The following XRCC3 variants were observed in gnomAD, a reference collection of about 807,000 sequenced individuals.
The protein encoded by XRCC3 is X-ray repair cross complementing 3, also known as DNA repair protein XRCC3.
Under a neutral mutation model 29.2 loss-of-function variants are expected in XRCC3, and 34 were observed. That is an observed-to-expected ratio of 1.16 (90% CI 0.88 to 1.55). The LOEUF (loss-of-function observed/expected upper bound fraction) is 1.55, where lower values mean the gene tolerates loss of function less well. XRCC3 is among the 40% of genes most tolerant of loss of function. The pLI is 0.00. For missense variants in XRCC3, 463 were observed against 467.6 expected (o/e 0.99, Z 0.09); for synonymous variants, 223 against 211.3 (o/e 1.06, Z -0.48).
chr14:103,707,738 C>T lies in XRCC3; in HGVS notation c.194-523G>A, dbSNP rs780359946. On this transcript the variant is annotated intron_variant, in intron 5 of 9. Coordinates refer to ENST00000555055, the MANE Select transcript of XRCC3 (RefSeq NM_005432.4). Reference sequence around the variant, plus strand: ...CCTTGGATGAGCCATTTGACACAGCCTCCTCCACGACACCGAAGCCCCTCA... The same window carrying T: ...CCTTGGATGAGCCATTTGACACAGCTTCCTCCACGACACCGAAGCCCCTCA... 60 of 207,432 alleles carry T rather than the reference C, an allele frequency of 2.9e-4. 1 individual carries two copies. The highest frequency in any genetic ancestry group is 2.0e-3 in the Middle Eastern group (1 of 496). The allele number at this position is 207,432 out of a possible 1,614,324, so 12.8% of individuals were successfully genotyped here.
At chr14:103,706,912 G>A in intron 6 of XRCC3, 91 bp downstream of exon 6, 1 of 1,374,436 alleles carries the variant, frequency 7.3e-7, no homozygotes, top group Non-Finnish European at 1.0e-6. Context: ...AGCGCAAGAG[G>A]CGGCCACTGC....
At position 103,708,638 on chromosome 14, in the gene XRCC3, T is replaced by A. The variant is rs1043719343; in HGVS notation, c.77A>T (p.Glu26Val). 7 of 1,614,012 alleles carry A rather than the reference T, an allele frequency of 4.3e-6. No individual in the cohort carries two copies. The East Asian group carries it at 8.9e-5, about 21-fold the overall frequency. Residue 26 changes from glutamate (E) to valine (V), a missense_variant, in exon 5 of 10, where the codon GAG becomes GTG. Coordinates refer to ENST00000555055, the MANE Select transcript of XRCC3 (RefSeq NM_005432.4). ...IKKAKLKSVK[E>V]VLHFSGPDLK... ...GTCTGGTCCAGAAAAGTGTAAAACC[T>A]CCTTTACCGATTTCAGTTTGGCTGA...
rs918023041 is a variant in XRCC3, at chr14:103,711,143, G to C, written c.-56C>G. On this transcript the variant is annotated 5_prime_UTR_variant, in exon 4 of 10. Coordinates refer to ENST00000555055, the MANE Select transcript of XRCC3 (RefSeq NM_005432.4). Reference sequence around the variant, plus strand: ...AACTTCCCAGGAAAGACAGAACAATGGATGCAAATTCTGAGGCACTCGCCT... The same window carrying C: ...AACTTCCCAGGAAAGACAGAACAATCGATGCAAATTCTGAGGCACTCGCCT... 2 of 1,596,292 alleles carry C rather than the reference G, an allele frequency of 1.3e-6. No individual in the cohort carries two copies. The highest frequency in any genetic ancestry group is 2.2e-5 in the East Asian group (1 of 44,792).
At chr14:103,712,719 G>A (rs543829726) in intron 2 of XRCC3, 156 bp downstream of exon 2, 1 of 152,610 alleles carries the variant, frequency 6.6e-6, no homozygotes, top group South Asian at 2.1e-4. Context: ...TCCCAGGCTG[G>A]GTCTGGATAC....
At position 103,697,824 on chromosome 14, in the gene XRCC3, G is replaced by A. The variant is rs1231783391; in HGVS notation, c.*974C>T. On this transcript the variant is annotated 3_prime_UTR_variant, in exon 10 of 10. Transcript: ENST00000555055. Reference sequence around the variant, plus strand: ...CCCAGGAGGCTCTGCTTTCCAGCCAGATGTAAGGCCTGGCCACAGTGTGGG... The same window carrying A: ...CCCAGGAGGCTCTGCTTTCCAGCCAAATGTAAGGCCTGGCCACAGTGTGGG... The A allele has an allele frequency of 6.6e-6, 1 of 152,362 alleles. No individual in the cohort carries two copies. Among genetic ancestry groups the A allele is most frequent in the Non-Finnish European group, 1.5e-5 (1 of 68,140 alleles). 9.4% of individuals were successfully genotyped at this position (152,362 alleles called of 1,614,324 possible).
At chr14:103,710,736 C>A in intron 4 of XRCC3, 1 of 359,502 alleles carries the variant, frequency 2.8e-6, no homozygotes, top group South Asian at 2.6e-5. Flanking sequence ...AGCGAGACCC[C>A]GTCTCCAAAA....
chr14:103,710,956 C>A, intron 4 of XRCC3, 77 bp downstream of exon 4: 1 of 1,483,970 alleles, frequency 6.7e-7, no homozygotes, highest in Non-Finnish European at 9.4e-7. Context: ...GCTTAGCCAG[C>A]CAGCGTTTTG....
At chr14:103,703,038 C>T in intron 7 of XRCC3, 135 bp downstream of exon 7, 1 of 1,368,750 alleles carries the variant, frequency 7.3e-7, no homozygotes, top group Non-Finnish European at 1.0e-6. Flanking sequence ...ACCCCCATGA[C>T]CCATGCTGTG....
intron 6 of XRCC3, 46 bp downstream of exon 6, chr14:103,706,957 G>C: frequency 6.5e-7 from 1 of 1,530,686 alleles, no homozygotes; most frequent in Non-Finnish European, 8.8e-7. Context: ...ACACAAAGCA[G>C]GGGCCGCCCA....
At chr14:103,702,307 G>A (rs3212092) in intron 7 of XRCC3, 1,786 of 152,500 alleles carry the variant, frequency 0.012, 20 homozygotes, top group East Asian at 0.042. Context: ...TCACCTGTCT[G>A]AGCTGGGTGC....
In XRCC3 at chr14:103,710,949, T is replaced by C; in HGVS notation, c.55+84A>G. ...CAGGGTAGGCAAAGGAAGGAAGGCT[T>C]AGCCAGCCAGCGTTTTGTTAACCTG... On this transcript the variant is annotated intron_variant, in intron 4 of 9. Coordinates refer to ENST00000555055, the MANE Select transcript of XRCC3 (RefSeq NM_005432.4). 2.8e-6 allele frequency: 4 copies of C among 1,427,054 alleles called. No individual in the cohort carries two copies. In the South Asian group the frequency reaches 4.6e-5, roughly 17 times the overall value. 88.4% of individuals were successfully genotyped at this position (1,427,054 alleles called of 1,614,324 possible). A position where few individuals can be genotyped will look rare whatever the true frequency, so the allele number is the denominator to read the frequency against.
At chr14:103,702,928 A>C in intron 7 of XRCC3, 1 of 579,210 alleles carries the variant, frequency 1.7e-6, no homozygotes, top group Non-Finnish European at 3.0e-6. Context: ...GCACACCTTC[A>C]GCAAGGGTCC....
At chr14:103,700,418 T>G in intron 7 of XRCC3, 1 of 459,748 alleles carries the variant, frequency 2.2e-6, no homozygotes, top group Non-Finnish European at 3.8e-6. Flanking sequence ...CCGCACAGCT[T>G]GGTGAGCCAT....
intron 9 of XRCC3, 33 bp from the exon 10 acceptor site, chr14:103,699,050 A>G: frequency 1.9e-6 from 3 of 1,566,770 alleles, no homozygotes; most frequent in Non-Finnish European, 2.6e-6. Context: ...GCTGGCGCTC[A>G]GGCTTGGTGG....
At chr14:103,700,401 C>A (rs2083069844) in intron 7 of XRCC3, 2 of 434,446 alleles carry the variant, frequency 4.6e-6, no homozygotes, top group Middle Eastern at 1.2e-3. Context: ...GCTGGCCTGG[C>A]CTCTGACCGC....
At chr14:103,706,100 C>T in intron 6 of XRCC3, 1 of 346,318 alleles carries the variant, frequency 2.9e-6, no homozygotes, top group South Asian at 2.1e-5. Context: ...CTCAGGAGAC[C>T]CCTCACCCTC....
rs370617343 is a variant in XRCC3 at position 103,707,163 on chromosome 14, C to T, written c.246G>A (p.Leu82=). The T allele has an allele frequency of 2.2e-5, 34 of 1,549,468 alleles. No homozygotes were observed. The highest frequency in any genetic ancestry group is 1.9e-4 in the South Asian group (16 of 84,020). ...CGTCCAGCACCGGGCAGCCCAGGCT[C>T]AGGCGCTGGTGCTGCGTGGGGAACC... ...KERFPTQHQR[L]SLGCPVLDAL... is the part of the protein sequence containing the mutation. The change falls in exon 6 of 10, where the codon CTG becomes CTA. Residue 82 remains leucine (L), a synonymous_variant. Transcript: ENST00000555055.
chr14:103,704,128 G>A (rs3212079), intron 6 of XRCC3: 8,025 of 152,476 alleles, frequency 0.053, 243 homozygotes, highest in South Asian at 0.093. Context: ...TAAAAGGGAA[G>A]GCAGTTCTGA....
intron 5 of XRCC3, chr14:103,707,457 TC>T: frequency 1.7e-6 from 1 of 590,882 alleles, no homozygotes. Context: ...CCCGCAGGGA[TC>T]CCCCTATGGG....
Sources: gnomAD v4.1 joint callset for allele counts on GRCh38, gnomAD v4.1.1 for gene constraint, MANE v1.5 for transcripts, NCBI Gene and HGNC (gene_info 2026-07-23, HGNC 2026-07-21) for gene names.